The following DOT1L variants were observed in gnomAD, a reference collection of about 807,000 sequenced individuals.
The protein encoded by DOT1L is histone-lysine N-methyltransferase, H3 lysine-79 specific.
DOT1L carries 33 observed loss-of-function variants against 153.3 expected under a neutral mutation model. The observed-to-expected ratio is 0.22, with a 90% CI of 0.16 to 0.29. The LOEUF (loss-of-function observed/expected upper bound fraction) is 0.29. DOT1L is among the 10% of genes least tolerant of loss of function. The pLI, the probability that DOT1L is intolerant of heterozygous loss-of-function variation, is 1.00. For synonymous variants in DOT1L, 1,135 were observed against 965.1 expected, an observed-to-expected ratio of 1.18 and a Z score of -3.26; for missense variants, 1,847 against 2,119.9, an observed-to-expected ratio of 0.87 and a Z score of 2.53.
chr19:2,227,841 C>G, intron 27 of DOT1L: 1 of 1,289,726 alleles, frequency 7.8e-7, no homozygotes, highest in South Asian at 1.2e-5. Context: ...GAGCCCGCTG[C>G]AGGCGGCGGC....
intron 24 of DOT1L, 139 bp from the exon 25 acceptor site, chr19:2,223,142 G>A (rs2024192602): frequency 1.2e-6 from 1 of 864,132 alleles, no homozygotes; most frequent in Non-Finnish European, 1.8e-6. Context: ...GACAGGGGCT[G>A]TACTGGCCGC....
intron 3 of DOT1L, among the ~76,000 whole-genome samples, chr19:2,187,435 G>A (rs2022567667): frequency 6.6e-6 from 1 of 152,222 alleles, no homozygotes; most frequent in African/African-American, 2.4e-5. Context: ...GGGACAGGCT[G>A]GGCAGGGGGT....
chr19:2,220,324 G>T lies in DOT1L; in HGVS notation c.2806+102G>T. 1.7e-6 allele frequency: 2 copies of T among 1,164,210 alleles called. No individual in the cohort carries two copies. The highest frequency in any genetic ancestry group is 2.5e-6 in the Non-Finnish European group (2 of 804,714). 72.1% of individuals were successfully genotyped at this position (1,164,210 alleles called of 1,614,324 possible). A position where few individuals can be genotyped will look rare whatever the true frequency, so the allele number is the denominator to read the frequency against. On this transcript the variant is annotated intron_variant, in intron 23 of 27. Coordinates refer to ENST00000398665, the MANE Select transcript of DOT1L (RefSeq NM_032482.3). This position sits in a 1 kb window ranked among gnomAD's most constrained non-coding sequence, Gnocchi z 4.5. ...GGAGTGGAACAGGGCTTCCTGGGGT[G>T]ATCATGGGGGCTGCTGCCCCAAACC...
At chr19:2,227,993 C>G (rs758971108) in intron 27 of DOT1L, 17 of 1,286,470 alleles carry the variant, frequency 1.3e-5, no homozygotes, top group South Asian at 7.4e-5. Context: ...TCCACGCCCC[C>G]CCTCCACCTA....
chr19:2,167,863 G>A (rs2019986486), intron 1 of DOT1L, among the ~76,000 whole-genome samples: 1 of 151,436 alleles, frequency 6.6e-6, no homozygotes, highest in African/African-American at 2.4e-5. Flanking sequence ...AGCCTCCCCA[G>A]TAGCTGGGAT....
chr19:2,206,624 G>C, intron 9 of DOT1L, 105 bp from the exon 10 acceptor site: 1 of 1,008,562 alleles, frequency 9.9e-7, no homozygotes. Flanking sequence ...CCGGAGCCCA[G>C]TGTGTGTGTG....
chr19:2,229,736 A>C (rs1374576217), intron 27 of DOT1L, 49 bp from the exon 28 acceptor site: 1 of 1,611,882 alleles, frequency 6.2e-7, no homozygotes, highest in Non-Finnish European at 8.5e-7. Flanking sequence ...GGGCTCCCCC[A>C]GGCGCGATGG....
At chr19:2,167,964 A>G (rs2019990525) in intron 1 of DOT1L, among the ~76,000 whole-genome samples, 1 of 151,766 alleles carries the variant, frequency 6.6e-6, no homozygotes, top group Admixed American at 6.6e-5. Flanking sequence ...CAAACTCCTG[A>G]CCTCAGGTGA....
intron 3 of DOT1L, among the ~76,000 whole-genome samples, chr19:2,187,855 G>C (rs572938163): frequency 1.3e-3 from 190 of 151,278 alleles, no homozygotes; most frequent in African/African-American, 4.3e-3. Flanking sequence ...CCGGGAGGCG[G>C]AGCTTGCAGT....
At chr19:2,185,140 G>C (rs775338620) in intron 2 of DOT1L, among the ~76,000 whole-genome samples, 2 of 152,130 alleles carry the variant, frequency 1.3e-5, no homozygotes, top group South Asian at 2.1e-4. Context: ...TCCTGACCTC[G>C]TGATCTGCCC....
At chr19:2,229,059 G>A (rs929552158) in intron 27 of DOT1L, 4 of 985,456 alleles carry the variant, frequency 4.1e-6, no homozygotes, top group Non-Finnish European at 3.6e-6. Context: ...GCCCACAGCC[G>A]AGGGGCTTTC....
chr19:2,229,156 G>A, intron 27 of DOT1L: 3 of 985,448 alleles, frequency 3.0e-6, no homozygotes, highest in Non-Finnish European at 3.6e-6. Flanking sequence ...AAGCAGGAGT[G>A]ATTTTGATGA....
chr19:2,212,136 C>A (rs1465788863), intron 16 of DOT1L: 3 of 324,808 alleles, frequency 9.2e-6, no homozygotes, highest in Non-Finnish European at 1.7e-5. Flanking sequence ...ACAGGTCCCT[C>A]CCCCGGTTCC....
intron 12 of DOT1L, 117 bp downstream of exon 12, chr19:2,209,093 C>G: frequency 8.3e-7 from 1 of 1,200,156 alleles, no homozygotes; most frequent in South Asian, 1.5e-5. Context: ...CCTGCCGCCC[C>G]TCGGGGCCCG....
At chr19:2,223,164 T>A in intron 24 of DOT1L, 117 bp from the exon 25 acceptor site, 3 of 1,108,160 alleles carry the variant, frequency 2.7e-6, no homozygotes, top group Non-Finnish European at 2.6e-6. Context: ...GGGCAGGGCA[T>A]CAGTTTCCTC....
chr19:2,198,300 G>A (rs752927748), intron 7 of DOT1L, among the ~76,000 whole-genome samples: 91 of 152,342 alleles, frequency 6.0e-4, no homozygotes, highest in Non-Finnish European at 9.9e-4. Context: ...GGAGACGGGT[G>A]TGGGGGGTGG....
Position 2,197,517 on chromosome 19 carries a change from C to T in DOT1L, c.652-2367C>T, listed in dbSNP as rs1347872365. ...GGCTGCCGCAGCACTGCTCCCCCTT[C>T]TGCCTCATCTTGTCAGCGTCTGGGT... On this transcript the variant is annotated intron_variant, in intron 7 of 27. Coordinates refer to ENST00000398665, the MANE Select transcript of DOT1L (RefSeq NM_032482.3). The surrounding 1 kb of genome is among the most constrained non-coding windows in gnomAD (Gnocchi z 4.1). Among the ~76,000 whole-genome samples the T allele has an allele frequency of 6.6e-6, 1 of 152,222 alleles. No individual in the cohort carries two copies. Among genetic ancestry groups the T allele is most frequent in the African/African-American group, 2.4e-5 (1 of 41,462 alleles).
chr19:2,188,659 A>T (rs190834861), intron 3 of DOT1L, among the ~76,000 whole-genome samples: 115 of 152,236 alleles, frequency 7.6e-4, no homozygotes, highest in African/African-American at 2.6e-3. Flanking sequence ...ACTGTGTGTG[A>T]CAGTGTTCAC....
chr19:2,164,183 A>C lies in DOT1L; in HGVS notation c.-2A>C, dbSNP rs2144620004. ...CATGGTGCGGCGGCCGCGCGCGCGG[A>C]CATGGGGGAGAAGCTGGAGCTGAGA... On this transcript the variant is annotated 5_prime_UTR_variant, in exon 1 of 28. Transcript: ENST00000398665. 32 of 1,125,798 alleles carry C rather than the reference A, an allele frequency of 2.8e-5. No individual in the cohort carries two copies. The highest frequency in any genetic ancestry group is 2.0e-4 in the East Asian group (4 of 20,206). 69.7% of individuals were successfully genotyped at this position (1,125,798 alleles called of 1,614,324 possible). A position where few individuals can be genotyped will look rare whatever the true frequency, so the allele number is the denominator to read the frequency against.
Sources: allele counts gnomAD v4.1 joint callset (sites outside exome capture counted in the v4.1 genomes callset), GRCh38; gene constraint gnomAD v4.1.1; non-coding constraint Gnocchi (gnomAD v3.1); transcripts MANE v1.5; gene names NCBI Gene and HGNC (gene_info 2026-07-23, HGNC 2026-07-21).